The following NR6A1 variants were observed in gnomAD, a reference collection of about 807,000 sequenced individuals.
NR6A1 encodes retinoic acid receptor-related testis-associated receptor.
NR6A1 carries 7 observed loss-of-function variants against 59.1 expected under a neutral mutation model. The observed-to-expected ratio is 0.12, with a 90% CI of 0.07 to 0.22. The LOEUF (loss-of-function observed/expected upper bound fraction) is 0.22. NR6A1 is among the 10% of genes least tolerant of loss of function. The pLI is 1.00. For synonymous variants in NR6A1, 243 were observed against 236.1 expected (o/e 1.03, Z -0.27); for missense variants, 468 against 611.6 (o/e 0.77, Z 2.48).
At chr9:124,608,643 C>G (rs1835644135) in intron 2 of NR6A1, among the ~76,000 whole-genome samples, 1 of 152,108 alleles carries the variant, frequency 6.6e-6, no homozygotes, top group Non-Finnish European at 1.5e-5. Flanking sequence ...ATTTATATTC[C>G]TTTGGGTATA....
intron 2 of NR6A1, among the ~76,000 whole-genome samples, chr9:124,596,769 C>T (rs1835283650): frequency 6.6e-6 from 1 of 152,188 alleles, no homozygotes; most frequent in African/African-American, 2.4e-5. Flanking sequence ...CCACAGTACC[C>T]CAAAGGCTGG....
intron 2 of NR6A1, among the ~76,000 whole-genome samples, chr9:124,699,348 G>T (rs1838864902): frequency 6.6e-6 from 1 of 152,204 alleles, no homozygotes; most frequent in African/African-American, 2.4e-5. Flanking sequence ...TTTTCTGCAT[G>T]TAAGTGTCAT....
At chr9:124,559,651 C>A (rs1834023461) in intron 2 of NR6A1, among the ~76,000 whole-genome samples, 1 of 152,146 alleles carries the variant, frequency 6.6e-6, no homozygotes, top group East Asian at 1.9e-4. Flanking sequence ...GTGGCACATG[C>A]CTGTAATCCC....
intron 2 of NR6A1, among the ~76,000 whole-genome samples, chr9:124,701,471 G>A (rs942431527): frequency 1.3e-5 from 2 of 152,090 alleles, no homozygotes; most frequent in African/African-American, 4.8e-5. Flanking sequence ...ACAATGCTGT[G>A]CAACCAGCAT....
intron 2 of NR6A1, among the ~76,000 whole-genome samples, chr9:124,695,218 C>G (rs928881195): frequency 6.6e-6 from 1 of 152,146 alleles, no homozygotes; most frequent in Non-Finnish European, 1.5e-5. Flanking sequence ...TTAAGTATCT[C>G]CAGACTACAT....
intron 2 of NR6A1, among the ~76,000 whole-genome samples, chr9:124,600,373 G>C (rs118141994): frequency 6.6e-6 from 1 of 152,276 alleles, no homozygotes; most frequent in East Asian, 1.9e-4. Context: ...GAAAGAATGA[G>C]AGCAACTAAG....
chr9:124,742,840 C>T (rs889980708), intron 1 of NR6A1, among the ~76,000 whole-genome samples: 17 of 152,186 alleles, frequency 1.1e-4, no homozygotes, highest in Admixed American at 1.1e-3. Context: ...GGTGCCACTG[C>T]ACTCCAGCCT....
In NR6A1 at chr9:124,771,270, C is replaced by T. The variant is rs1019407351; in HGVS notation, c.-151G>A. 17 of 400,828 alleles carry T rather than the reference C, an allele frequency of 4.2e-5. No homozygotes were observed. Among genetic ancestry groups the T allele is most frequent in the Non-Finnish European group, 6.5e-5 (15 of 230,552 alleles). 24.8% of individuals were successfully genotyped at this position (400,828 alleles called of 1,614,324 possible). A position where few individuals can be genotyped will look rare whatever the true frequency, so the allele number is the denominator to read the frequency against. ...CTCTGGGCCCCGAGCCGCCCGGCTC[C>T]GCGCCGCTCCGCGCCCCTCCGCGCC... On this transcript the variant is annotated 5_prime_UTR_variant, in exon 1 of 10. Transcript: ENST00000487099.
chr9:124,739,034 G>A (rs1297317289), intron 1 of NR6A1, among the ~76,000 whole-genome samples: 2 of 147,668 alleles, frequency 1.4e-5, no homozygotes, highest in African/African-American at 5.0e-5. Flanking sequence ...ACAAAAATTA[G>A]CTGGGCTAAT....
chr9:124,613,167 C>T (rs1261353192), intron 2 of NR6A1, among the ~76,000 whole-genome samples: 1 of 151,824 alleles, frequency 6.6e-6, no homozygotes, highest in East Asian at 1.9e-4. Context: ...GAGACCCTAT[C>T]TCTACAAAAA....
chr9:124,769,250 A>G (rs1372402485), intron 1 of NR6A1, among the ~76,000 whole-genome samples: 1 of 91,500 alleles, frequency 1.1e-5, no homozygotes, highest in African/African-American at 6.2e-5. Context: ...TCATACACAA[A>G]TTAAAAAAAA....
At chr9:124,616,884 C>G (rs1471482335) in intron 2 of NR6A1, among the ~76,000 whole-genome samples, 1 of 152,114 alleles carries the variant, frequency 6.6e-6, no homozygotes, top group African/African-American at 2.4e-5. Context: ...TCATACAATG[C>G]TGGTGGTTGA....
chr9:124,754,661 G>A (rs548718269), intron 1 of NR6A1, among the ~76,000 whole-genome samples: 1 of 152,302 alleles, frequency 6.6e-6, no homozygotes, highest in South Asian at 2.1e-4. Flanking sequence ...AAGGTCTACA[G>A]ATTAGATTCA....
At chr9:124,672,201 A>G (rs1837812295) in intron 2 of NR6A1, among the ~76,000 whole-genome samples, 1 of 152,094 alleles carries the variant, frequency 6.6e-6, no homozygotes, top group East Asian at 1.9e-4. Context: ...TGTCCATTCT[A>G]CTATTGATGG....
intron 2 of NR6A1, among the ~76,000 whole-genome samples, chr9:124,590,557 T>A (rs891760357): frequency 6.6e-6 from 1 of 152,250 alleles, no homozygotes; most frequent in Non-Finnish European, 1.5e-5. Context: ...TGAGGAATTC[T>A]AACTCACCTC....
At chr9:124,707,717 TCTC>T (rs1231685240) in intron 2 of NR6A1, among the ~76,000 whole-genome samples, 1 of 152,214 alleles carries the variant, frequency 6.6e-6, no homozygotes, top group Non-Finnish European at 1.5e-5. Context: ...ACCAAGTCTG[TCTC>T]CTCTGCAATG....
intron 1 of NR6A1, among the ~76,000 whole-genome samples, chr9:124,752,484 AATT>A (rs1232584347): frequency 9.2e-5 from 14 of 152,272 alleles, no homozygotes; most frequent in African/African-American, 3.4e-4. Flanking sequence ...AATTAAACAT[AATT>A]ATTAATATAA....
intron 1 of NR6A1, among the ~76,000 whole-genome samples, chr9:124,745,315 T>C (rs544568679): frequency 6.6e-6 from 1 of 152,208 alleles, no homozygotes; most frequent in African/African-American, 2.4e-5. Flanking sequence ...TATAACTAAT[T>C]TTTCTTCCTC....
At chr9:124,602,794 ACCTATGGTATAAAGGC>A (rs1835481787) in intron 2 of NR6A1, among the ~76,000 whole-genome samples, 1 of 152,116 alleles carries the variant, frequency 6.6e-6, no homozygotes, top group Non-Finnish European at 1.5e-5. Flanking sequence ...GTTCCCAGGA[ACCTATGGTATAAAGGC>A]CCACACTCCT....
Sources: allele counts gnomAD v4.1 joint callset (sites outside exome capture counted in the v4.1 genomes callset), GRCh38; gene constraint gnomAD v4.1.1; transcripts MANE v1.5; gene names NCBI Gene and HGNC (gene_info 2026-07-23, HGNC 2026-07-21).